The following DPP6 variants were observed in gnomAD, a reference collection of about 807,000 sequenced individuals.
DPP6 encodes A-type potassium channel modulatory protein DPP6.
DPP6 carries 69 observed loss-of-function variants against 122.6 expected under a neutral mutation model. The observed-to-expected ratio is 0.56, with a 90% CI of 0.46 to 0.69. The LOEUF (loss-of-function observed/expected upper bound fraction) is 0.69. DPP6 is among the 30% of genes least tolerant of loss of function. DPP6 has a pLI of 0.00. For synonymous variants in DPP6, 418 were observed against 433.1 expected (o/e 0.97, Z 0.43); for missense variants, 928 against 1,116.9 (o/e 0.83, Z 2.41).
intron 4 of DPP6, among the ~76,000 whole-genome samples, chr7:154,544,013 A>AG (rs1828954472): frequency 6.7e-6 from 1 of 148,742 alleles, no homozygotes; most frequent in African/African-American, 2.5e-5. Context: ...AAAAAAAAAA[A>AG]GAGTTTCTGT....
chr7:153,866,875 C>G, the DPP6 span, among the ~76,000 whole-genome samples: 4 of 152,106 alleles, frequency 2.6e-5, no homozygotes, highest in Admixed American at 2.0e-4. Flanking sequence ...TATGGCTAGC[C>G]AGTTTTCCCA....
Position 154,063,585 on chromosome 7 carries a change from A to G in DPP6, c.243+10522A>G, listed in dbSNP as rs1346256784. 2.4e-4 allele frequency among the ~76,000 whole-genome samples: 25 copies of G among 105,114 alleles called. 1 individual carries two copies. The highest frequency in any genetic ancestry group is 9.2e-4 in the East Asian group (3 of 3,272). 69.0% of individuals were successfully genotyped at this position (105,114 alleles called of 152,430 possible). On this transcript the variant is annotated intron_variant, in intron 1 of 25. Transcript: ENST00000377770. ...ATCCCCTCTTCCGCCTCTGGCTGATAGTACCCCCATCGCAGTGAGGGAGGC... is the reference window on the plus strand; with the variant it reads ...ATCCCCTCTTCCGCCTCTGGCTGATGGTACCCCCATCGCAGTGAGGGAGGC...
intron 5 of DPP6, among the ~76,000 whole-genome samples, chr7:154,593,183 G>A (rs1041730624): frequency 6.6e-6 from 1 of 152,118 alleles, no homozygotes; most frequent in Admixed American, 6.5e-5. Context: ...ACCAACGACC[G>A]TATTTACATC....
At chr7:154,086,099 TTATTTAGAGA>T (rs1804398286) in intron 1 of DPP6, among the ~76,000 whole-genome samples, 1 of 152,086 alleles carries the variant, frequency 6.6e-6, no homozygotes, top group South Asian at 2.1e-4. Flanking sequence ...ATTGTCCTGG[TTATTTAGAGA>T]TAGAGACATA....
At chr7:153,896,395 GAATT>G (rs892530355) in intron 1 of DPP6, among the ~76,000 whole-genome samples, 37 of 152,024 alleles carry the variant, frequency 2.4e-4, no homozygotes, top group African/African-American at 8.7e-4. Flanking sequence ...TGGGAAGTGA[GAATT>G]AATAATTTTC....
At chr7:154,172,065 G>C (rs1043249213) in intron 1 of DPP6, among the ~76,000 whole-genome samples, 3 of 152,108 alleles carry the variant, frequency 2.0e-5, no homozygotes, top group Non-Finnish European at 4.4e-5. Context: ...GTCTGCTGTT[G>C]AAAAGGATGT....
At chr7:154,124,750 G>A (rs1807752419) in intron 1 of DPP6, among the ~76,000 whole-genome samples, 1 of 152,202 alleles carries the variant, frequency 6.6e-6, no homozygotes, top group Admixed American at 6.5e-5. Context: ...ACTCAGGGAA[G>A]GGCGGGAGGA....
At chr7:153,789,470 A>T in the DPP6 span, among the ~76,000 whole-genome samples, 3 of 152,216 alleles carry the variant, frequency 2.0e-5, no homozygotes, top group Non-Finnish European at 4.4e-5. Context: ...TGAGGTAGTC[A>T]GATGTTTTTA....
intron 1 of DPP6, among the ~76,000 whole-genome samples, chr7:153,943,049 A>T (rs1801771613): frequency 6.6e-6 from 1 of 152,156 alleles, no homozygotes; most frequent in Non-Finnish European, 1.5e-5. Context: ...TCGCCTTTCC[A>T]TCCCCTTTTT....
chr7:154,744,419 G>C, intron 8 of DPP6, among the ~76,000 whole-genome samples: 1 of 152,152 alleles, frequency 6.6e-6, no homozygotes, highest in East Asian at 1.9e-4. Context: ...GCCACCTGGC[G>C]GCCAGCCGAG....
Position 154,740,124 on chromosome 7 carries a change from T to C in DPP6, c.883+12237T>C, listed in dbSNP as rs139318422. 6.8e-3 allele frequency among the ~76,000 whole-genome samples: 1,038 copies of C among 152,296 alleles called. 9 individuals carry two copies. Among genetic ancestry groups the C allele is most frequent in the African/African-American group, 0.024 (979 of 41,556 alleles). On this transcript the variant is annotated intron_variant, in intron 8 of 25. Transcript: ENST00000377770. Reference sequence around the variant, plus strand: ...GTCCTTACAATTAATGACCTACTCCTGAGAGATCGTGACAAATATCTTAGG... The same window carrying C: ...GTCCTTACAATTAATGACCTACTCCCGAGAGATCGTGACAAATATCTTAGG...
intron 1 of DPP6, among the ~76,000 whole-genome samples, chr7:154,030,358 G>C (rs888671504): frequency 6.6e-6 from 1 of 152,170 alleles, no homozygotes; most frequent in Non-Finnish European, 1.5e-5. Context: ...CCCCAGAGGA[G>C]GCTTCTGTGG....
At chr7:154,578,206 A>C (rs1831810334) in intron 5 of DPP6, among the ~76,000 whole-genome samples, 2 of 152,148 alleles carry the variant, frequency 1.3e-5, no homozygotes, top group Middle Eastern at 3.4e-3. Flanking sequence ...TGCCAAATAG[A>C]CTTTCCAGAA....
chr7:154,372,083 G>A (rs1812723899), intron 1 of DPP6, among the ~76,000 whole-genome samples: 1 of 152,000 alleles, frequency 6.6e-6, no homozygotes, highest in Admixed American at 6.6e-5. Flanking sequence ...CCCGGGGAGT[G>A]GGGAGAGCCT....
intron 1 of DPP6, among the ~76,000 whole-genome samples, chr7:154,377,074 A>C (rs977886916): frequency 1.3e-5 from 2 of 152,194 alleles, no homozygotes; most frequent in African/African-American, 4.8e-5. Context: ...CGTGCTTAAG[A>C]AGAGTTCTGA....
At chr7:154,860,201 C>A (rs1803258616) in intron 17 of DPP6, among the ~76,000 whole-genome samples, 1 of 152,160 alleles carries the variant, frequency 6.6e-6, no homozygotes, top group Non-Finnish European at 1.5e-5. Flanking sequence ...GCCCCACCTT[C>A]TCCCTGAGGC....
At chr7:154,356,545 A>C (rs1473810613) in intron 1 of DPP6, among the ~76,000 whole-genome samples, 1 of 151,986 alleles carries the variant, frequency 6.6e-6, no homozygotes, top group Non-Finnish European at 1.5e-5. Flanking sequence ...TCCAGCCTGG[A>C]CAACATAGCA....
intron 4 of DPP6, among the ~76,000 whole-genome samples, chr7:154,543,801 A>G (rs998228564): frequency 6.6e-6 from 1 of 151,920 alleles, no homozygotes; most frequent in African/African-American, 2.4e-5. Context: ...CGAGACCAGC[A>G]TGGCCAATGT....
chr7:153,896,992 CTA>C (rs1203127140), intron 1 of DPP6, among the ~76,000 whole-genome samples: 4 of 151,720 alleles, frequency 2.6e-5, no homozygotes, highest in Non-Finnish European at 5.9e-5. Context: ...AATTGTGCAT[CTA>C]TTTTTTTAAG....
Sources: allele counts gnomAD v4.1 joint callset (sites outside exome capture counted in the v4.1 genomes callset), GRCh38; gene constraint gnomAD v4.1.1; transcripts MANE v1.5; gene names NCBI Gene and HGNC (gene_info 2026-07-23, HGNC 2026-07-21).